The following APOL1 variants were observed in gnomAD, a reference collection of about 807,000 sequenced individuals.
The protein encoded by APOL1 is apolipoprotein L 1.
Under a neutral mutation model 14.9 loss-of-function variants are expected in APOL1, and 17 were observed. The ratio of observed to expected loss-of-function variants is 1.14; its 90% CI spans 0.78 to 1.71. APOL1 has a LOEUF of 1.71. APOL1 is among the 40% of genes most tolerant of loss of function. The pLI is 0.00. For synonymous variants in APOL1, 195 were observed against 184.8 expected, an observed-to-expected ratio of 1.05 and a Z score of -0.45; for missense variants, 523 against 485.9, an observed-to-expected ratio of 1.08 and a Z score of -0.72.
intron 5 of APOL1, 49 bp from the exon 6 acceptor site, chr22:36,265,102 C>G (rs572518528): frequency 1.2e-6 from 2 of 1,604,896 alleles, no homozygotes; most frequent in African/African-American, 1.3e-5. Flanking sequence ...TGAGCCACCA[C>G]ACCGAGCCAA....
chr22:36,266,076 G>T lies in APOL1; in HGVS notation c.*43G>T. ...CACCAGGAGAGATATGCCTGGCAGGGGCCAGGACAAAATGCAAACTTTTTT... is the reference window on the plus strand; with the variant it reads ...CACCAGGAGAGATATGCCTGGCAGGTGCCAGGACAAAATGCAAACTTTTTT... On this transcript the variant is annotated 3_prime_UTR_variant, in exon 6 of 6. Coordinates refer to ENST00000397278, the MANE Select transcript of APOL1 (RefSeq NM_003661.4). 1 of 1,535,008 alleles carries T rather than the reference G, an allele frequency of 6.5e-7. No individual in the cohort carries two copies. Among genetic ancestry groups the T allele is most frequent in the South Asian group, 1.3e-5 (1 of 77,306 alleles).
rs1206578335 is a variant in APOL1 at position 36,253,705 on chromosome 22, C to T, written c.-20+486C>T. 3 of 545,716 alleles carry T rather than the reference C, an allele frequency of 5.5e-6. No homozygotes were observed. In the African/African-American group the frequency reaches 5.7e-5, roughly 10 times the overall value. 33.8% of individuals were successfully genotyped at this position (545,716 alleles called of 1,614,324 possible). A position where few individuals can be genotyped will look rare whatever the true frequency, so the allele number is the denominator to read the frequency against. On this transcript the variant is annotated intron_variant, in intron 1 of 5. Transcript: ENST00000397278. ...CACCCACCCTGAGTCTGAGCACCAA[C>T]TTGTGCCAGGCCCTGTGGGGAAACT... is the stretch of plus-strand genomic sequence containing the variant.
Position 36,265,327 on chromosome 22 carries a change from G to C in APOL1, c.491G>C (p.Gly164Ala). 1 of 1,611,900 alleles carries C rather than the reference G, an allele frequency of 6.2e-7. No homozygotes were observed. Among genetic ancestry groups the C allele is most frequent in the Non-Finnish European group, 8.5e-7 (1 of 1,178,856 alleles). ...NIRRLRALADGVQKVHKGTTI... is the reference protein window; with the variant it reads ...NIRRLRALADAVQKVHKGTTI... ...AGAAGGCTCCGTGCCCTTGCAGATG[G>C]GGTTCAGAAGGTCCACAAAGGCACC... The change falls in exon 6 of 6, where the codon GGG becomes GCG. Residue 164 changes from glycine (G) to alanine (A), a missense_variant. Coordinates refer to ENST00000397278, the MANE Select transcript of APOL1 (RefSeq NM_003661.4).
chr22:36,261,533 T>C (rs2016070725), intron 4 of APOL1, 63 bp from the exon 5 acceptor site: 6 of 1,525,066 alleles, frequency 3.9e-6, no homozygotes, highest in Non-Finnish European at 5.4e-6. Flanking sequence ...TCATCTCTTA[T>C]GCAATGGCTG....
At position 36,266,130 on chromosome 22, in the gene APOL1, C is replaced by T. The variant is rs61436784; in HGVS notation, c.*97C>T. ...TTTCTGAGACAGAGTCTTGCTCTGTCGCCAAGTTGGAGTGCAATGGTGCGA... is the reference window on the plus strand; with the variant it reads ...TTTCTGAGACAGAGTCTTGCTCTGTTGCCAAGTTGGAGTGCAATGGTGCGA... On this transcript the variant is annotated 3_prime_UTR_variant, in exon 6 of 6. Transcript: ENST00000397278. 1,184 of 1,379,918 alleles carry T rather than the reference C, an allele frequency of 8.6e-4. 3 individuals carry two copies. In the African/African-American group the frequency reaches 0.011, roughly 13 times the overall value. The allele number at this position is 1,379,918 out of a possible 1,614,324, so 85.5% of individuals were successfully genotyped here.
intron 5 of APOL1, among the ~76,000 whole-genome samples, chr22:36,262,707 T>C (rs980063781): frequency 1.3e-5 from 2 of 152,214 alleles, no homozygotes; most frequent in Non-Finnish European, 2.9e-5. Flanking sequence ...TTCTTCCCTG[T>C]CTGGATGATC....
chr22:36,257,586 A>C, intron 4 of APOL1, 179 bp downstream of exon 4: 1 of 652,944 alleles, frequency 1.5e-6, no homozygotes, highest in Non-Finnish European at 2.7e-6. Context: ...GGTCATCTGC[A>C]TCCTGACCTC....
At chr22:36,256,630 T>C (rs1229225158) in intron 2 of APOL1, among the ~76,000 whole-genome samples, 4 of 152,110 alleles carry the variant, frequency 2.6e-5, no homozygotes, top group African/African-American at 4.8e-5. Context: ...TTCACCAAGA[T>C]GAAGAGTTGA....
chr22:36,259,912 C>A, intron 4 of APOL1: 1 of 1,296,924 alleles, frequency 7.7e-7, no homozygotes, highest in Non-Finnish European at 1.0e-6. Flanking sequence ...TTTAAATAGC[C>A]CCACAGGTAA....
At chr22:36,262,040 G>A (rs552167952) in intron 5 of APOL1, among the ~76,000 whole-genome samples, 172 of 152,322 alleles carry the variant, frequency 1.1e-3, no homozygotes, top group Non-Finnish European at 1.7e-3. Context: ...AAATGAGATC[G>A]TGCATGTAAA....
chr22:36,253,242 G>T, intron 1 of APOL1, 23 bp downstream of exon 1: 1 of 412,298 alleles, frequency 2.4e-6, no homozygotes, highest in Non-Finnish European at 4.8e-6. Context: ...CAGTTGACCT[G>T]CCTCCATCTT....
At chr22:36,253,933 T>C in intron 1 of APOL1, 1 of 1,614,118 alleles carries the variant, frequency 6.2e-7, no homozygotes. Context: ...TGCAGAATGG[T>C]GCCTGTGGCA....
At position 36,265,166 on chromosome 22, in the gene APOL1, G is replaced by T. The variant is rs1569534105; in HGVS notation, c.330G>T (p.Glu110Asp). The T allele has an allele frequency of 2.5e-6, 4 of 1,614,098 alleles. No individual in the cohort carries two copies. The African/African-American group carries it at 5.3e-5, about 22-fold the overall frequency. Residue 110 changes from glutamate to aspartate, a missense_variant, in exon 6 of 6, where the codon GAG becomes GAT. Glu to Asp is a conservative substitution (Grantham distance 45). Coordinates refer to ENST00000397278, the MANE Select transcript of APOL1 (RefSeq NM_003661.4). ...CCTTGTGCAGGAATGAGGCAGATGAGCTCCGTAAAGCTCTGGACAACCTTG... is the reference window on the plus strand; with the variant it reads ...CCTTGTGCAGGAATGAGGCAGATGATCTCCGTAAAGCTCTGGACAACCTTG... ...AAELPRNEAD[E>D]LRKALDNLAR... is the part of the protein sequence containing the mutation.
Position 36,254,974 on chromosome 22 carries a change from C to G in APOL1, c.19C>G (p.Leu7Val), listed in dbSNP as rs372661836. The G allele has an allele frequency of 3.7e-5, 60 of 1,614,046 alleles. No individual in the cohort carries two copies. Among genetic ancestry groups the G allele is most frequent in the Non-Finnish European group, 4.5e-5 (53 of 1,179,986 alleles). ...CAGCGACATGGAGGGAGCTGCTTTG[C>G]TGAGAGTCTCTGTCCTCTGCATCTG... MEGAAL[L>V]RVSVLCIWMS... Residue 7 changes from leucine (L) to valine (V), a missense_variant, in exon 2 of 6, where the codon CTG becomes GTG. Transcript: ENST00000397278.
chr22:36,258,610 T>C (rs1042148587), intron 4 of APOL1, among the ~76,000 whole-genome samples: 4 of 152,160 alleles, frequency 2.6e-5, no homozygotes, highest in Admixed American at 2.6e-4. Context: ...CAGCTTTTAG[T>C]GCAAAACAGA....
rs996864235 is a variant in APOL1 at position 36,261,492 on chromosome 22, A to C, written c.188-104A>C. ...AATGACTCCATAAAACAAGTCCCAC[A>C]TCACAGCTGTCCAGGAAAATTAACA... is the stretch of plus-strand genomic sequence containing the variant. On this transcript the variant is annotated intron_variant, in intron 4 of 5. Coordinates refer to ENST00000397278, the MANE Select transcript of APOL1 (RefSeq NM_003661.4). 5.4e-6 allele frequency: 7 copies of C among 1,303,868 alleles called. No homozygotes were observed. The African/African-American group carries it at 1.0e-4, about 19-fold the overall frequency. 80.8% of individuals were successfully genotyped at this position (1,303,868 alleles called of 1,614,324 possible).
chr22:36,260,358 G>A (rs2016038967), intron 4 of APOL1, among the ~76,000 whole-genome samples: 1 of 152,132 alleles, frequency 6.6e-6, no homozygotes. Flanking sequence ...TCGCACCACT[G>A]CACTCCAGCC....
At position 36,261,731 on chromosome 22, in the gene APOL1, C is replaced by T. The variant is rs1456412388; in HGVS notation, c.314+9C>T. On this transcript the variant is annotated intron_variant, in intron 5 of 5. Coordinates refer to ENST00000397278, the MANE Select transcript of APOL1 (RefSeq NM_003661.4). Reference sequence around the variant, plus strand: ...GCTGCTGAACTGCCCAGGTAAGCTCCATGGGGTTACCTCCATTGGGCACTC... The same window carrying T: ...GCTGCTGAACTGCCCAGGTAAGCTCTATGGGGTTACCTCCATTGGGCACTC... 1.9e-6 allele frequency: 3 copies of T among 1,613,178 alleles called. No individual in the cohort carries two copies. Among genetic ancestry groups the T allele is most frequent in the Non-Finnish European group, 2.5e-6 (3 of 1,179,472 alleles).
intron 5 of APOL1, among the ~76,000 whole-genome samples, chr22:36,264,802 C>G (rs1289171397): frequency 6.7e-6 from 1 of 149,068 alleles, no homozygotes; most frequent in Non-Finnish European, 1.5e-5. Flanking sequence ...GACAGGGAAA[C>G]TGCATTTCTT....
Sources: gnomAD v4.1 joint callset for allele counts (sites outside exome capture counted in the v4.1 genomes callset) on GRCh38, gnomAD v4.1.1 for gene constraint, MANE v1.5 for transcripts, NCBI Gene and HGNC (gene_info 2026-07-23, HGNC 2026-07-21) for gene names.